The following FBH1 variants were observed in gnomAD, a reference collection of about 807,000 sequenced individuals.
FBH1 encodes the protein F-box DNA helicase 1, also known as DNA 3'-5' helicase 1.
A neutral mutation model predicts 115.5 loss-of-function variants in FBH1; 43 were observed. The ratio of observed to expected loss-of-function variants is 0.37; its 90% confidence interval spans 0.29 to 0.48. FBH1 has a LOEUF of 0.48. FBH1 is among the 20% of genes least tolerant of loss of function. The probability of loss-of-function intolerance (pLI) is 0.99; values close to 1 mark genes in which losing one functional copy is unlikely to be tolerated. For synonymous variants in FBH1, 524 were observed against 507.8 expected (o/e 1.03, Z -0.43); for missense variants, 1,001 against 1,337.3 (o/e 0.75, Z 3.92).
At chr10:5,930,341 G>A (rs973764621) in intron 19 of FBH1, among the ~76,000 whole-genome samples, 1 of 152,202 alleles carries the variant, frequency 6.6e-6, no homozygotes, top group Non-Finnish European at 1.5e-5. Flanking sequence ...ATAGAGAGCT[G>A]TACGGGACTC....
rs751116417 is a variant in FBH1, at chr10:5,916,465, C to CT, written c.1788+10dup. The CT allele has an allele frequency of 7.0e-6, 11 of 1,569,620 alleles. No homozygotes were observed. Among genetic ancestry groups the CT allele is most frequent in the Non-Finnish European group, 9.5e-6 (11 of 1,154,794 alleles). Reference sequence around the variant, plus strand: ...AGCAGAGTGAAAAACTGGTGAGTGTCTAAGTGTCTGAAGTGTTAGGGATCT... The same window carrying CT: ...AGCAGAGTGAAAAACTGGTGAGTGTCTTAAGTGTCTGAAGTGTTAGGGATCT... On this transcript the variant is annotated intron_variant, in intron 10 of 20. Coordinates refer to ENST00000362091, the MANE Select transcript of FBH1 (RefSeq NM_178150.3).
At position 5,917,691 on chromosome 10, in the gene FBH1, A is replaced by G. The variant is rs1832056674; in HGVS notation, c.1963+15A>G. 6.2e-7 allele frequency: 1 copy of G among 1,603,392 alleles called. No homozygotes were observed. Among genetic ancestry groups the G allele is most frequent in the Non-Finnish European group, 8.5e-7 (1 of 1,170,958 alleles). ...CTGCACACCAGGTGATACACTGTTC[A>G]GGACATCAGTAGTGTCAAATACGTA... On this transcript the variant is annotated intron_variant, in intron 12 of 20. Transcript: ENST00000362091. This position sits in a 1 kb window ranked among gnomAD's most constrained non-coding sequence, Gnocchi z 5.6.
rs1320715931 is a variant in FBH1, at chr10:5,918,813, C to T, written c.2100+335C>T. Among the ~76,000 whole-genome samples the T allele has an allele frequency of 1.3e-5, 2 of 152,230 alleles. No homozygotes were observed. Among genetic ancestry groups the T allele is most frequent in the Admixed American group, 1.3e-4 (2 of 15,280 alleles). On this transcript the variant is annotated intron_variant, in intron 13 of 20. Coordinates refer to ENST00000362091, the MANE Select transcript of FBH1 (RefSeq NM_178150.3). The surrounding 1 kb of genome is among the most constrained non-coding windows in gnomAD (Gnocchi z 4.0). ...CTTTTTCAAAGACAAGTGAAACAAG[C>T]TGCGACTTCAGGGAAAATAACTGAC...
At position 5,932,353 on chromosome 10, in the gene FBH1, G is replaced by A. The variant is rs1223844910; in HGVS notation, c.2830-4103G>A. Among the ~76,000 whole-genome samples the A allele has an allele frequency of 2.0e-5, 3 of 152,134 alleles. No homozygotes were observed. Among genetic ancestry groups the A allele is most frequent in the East Asian group, 1.9e-4 (1 of 5,196 alleles). On this transcript the variant is annotated intron_variant, in intron 19 of 20. Transcript: ENST00000362091. The surrounding 1 kb of genome is among the most constrained non-coding windows in gnomAD (Gnocchi z 5.9). The stretch of plus-strand genomic sequence containing the variant: ...GGTAGCATTTCAGATACACTGTTGT[G>A]TACTTTGCTTTGTCACTTAGAAGCC...
rs1843271471 is a variant in FBH1, at chr10:5,900,374, G to C, written c.2-2646G>C. 6.6e-6 allele frequency among the ~76,000 whole-genome samples: 1 copy of C among 152,230 alleles called. No homozygotes were observed. The highest frequency in any genetic ancestry group is 1.9e-4 in the East Asian group (1 of 5,202). ...TGGCCGTAGACCTATCAGACTTAGA[G>C]ACCTGAGGTGCCCTGAAGCCATAGA... On this transcript the variant is annotated intron_variant, in intron 1 of 20. Coordinates refer to ENST00000362091, the MANE Select transcript of FBH1 (RefSeq NM_178150.3). This position sits in a 1 kb window ranked among gnomAD's most constrained non-coding sequence, Gnocchi z 4.2.
At position 5,910,532 on chromosome 10, in the gene FBH1, T is replaced by G. The variant is rs1429506988; in HGVS notation, c.1021-406T>G. Among the ~76,000 whole-genome samples, 1 of 152,194 alleles carries G rather than the reference T, an allele frequency of 6.6e-6. No individual in the cohort carries two copies. On this transcript the variant is annotated intron_variant, in intron 5 of 20. Coordinates refer to ENST00000362091, the MANE Select transcript of FBH1 (RefSeq NM_178150.3). This position sits in a 1 kb window ranked among gnomAD's most constrained non-coding sequence, Gnocchi z 4.8. ...CGGCCCTCTCCTGTGTCTGCGTCTC[T>G]CATGCCTCTTGGGTGGGCGCCCCTT...
In FBH1 at chr10:5,897,690, C is replaced by T. The variant is rs1843092651; in HGVS notation, c.2-5330C>T. ...AGATCACCAGTCTAAGCGCCCCTCC[C>T]CCGGTACCGAACCTCAGTTCCTCCC... On this transcript the variant is annotated intron_variant, in intron 1 of 20. Coordinates refer to ENST00000362091, the MANE Select transcript of FBH1 (RefSeq NM_178150.3). This position sits in a 1 kb window ranked among gnomAD's most constrained non-coding sequence, Gnocchi z 4.7. 6.6e-6 allele frequency among the ~76,000 whole-genome samples: 1 copy of T among 152,144 alleles called. No homozygotes were observed. Among genetic ancestry groups the T allele is most frequent in the Non-Finnish European group, 1.5e-5 (1 of 68,036 alleles).
At position 5,935,831 on chromosome 10, in the gene FBH1, GCCCTGTC is replaced by G. The variant is rs1169727975; in HGVS notation, c.2830-623_2830-617del. ...ACAGGGCAGCAGCGAAGCTGACAGT[GCCCTGTC>G]CTTGTGGTGTTTCCAGCCTGGGAGG... On this transcript the variant is annotated intron_variant, in intron 19 of 20. Transcript: ENST00000362091. This position sits in a 1 kb window ranked among gnomAD's most constrained non-coding sequence, Gnocchi z 5.2. The G allele has an allele frequency of 6.5e-6, 1 of 152,704 alleles. No individual in the cohort carries two copies. Among genetic ancestry groups the G allele is most frequent in the African/African-American group, 2.4e-5 (1 of 41,468 alleles). 9.5% of individuals were successfully genotyped at this position (152,704 alleles called of 1,614,324 possible).
rs2132130792 is a variant in FBH1 at position 5,933,265 on chromosome 10, G to A, written c.2830-3191G>A. 6.6e-6 allele frequency among the ~76,000 whole-genome samples: 1 copy of A among 152,300 alleles called. No individual in the cohort carries two copies. Among genetic ancestry groups the A allele is most frequent in the South Asian group, 2.1e-4 (1 of 4,832 alleles). ...TAGCTGGGTGTAGTGGCGTATGCCT[G>A]TAATCCCAGCTACTCAGGAGGCTGA... On this transcript the variant is annotated intron_variant, in intron 19 of 20. Coordinates refer to ENST00000362091, the MANE Select transcript of FBH1 (RefSeq NM_178150.3). The surrounding 1 kb of genome is among the most constrained non-coding windows in gnomAD (Gnocchi z 4.9).
chr10:5,890,571 A>G (rs918838604), intron 1 of FBH1, among the ~76,000 whole-genome samples: 3 of 150,092 alleles, frequency 2.0e-5, no homozygotes, highest in Admixed American at 2.0e-4. Flanking sequence ...CAGGGCGCTC[A>G]CTGAACTCGG....
At position 5,925,539 on chromosome 10, in the gene FBH1, G is replaced by T. The variant is rs749542465; in HGVS notation, c.2722+47G>T. The T allele has an allele frequency of 8.1e-6, 13 of 1,607,518 alleles. No individual in the cohort carries two copies. Among genetic ancestry groups the T allele is most frequent in the Non-Finnish European group, 1.1e-5 (13 of 1,177,236 alleles). Reference sequence around the variant, plus strand: ...TCAGGTGCTGCTGTATGTAGTGAGTGGTGACTGGAATGCTTCCTTTGCACG... The same window carrying T: ...TCAGGTGCTGCTGTATGTAGTGAGTTGTGACTGGAATGCTTCCTTTGCACG... On this transcript the variant is annotated intron_variant, in intron 18 of 20. Transcript: ENST00000362091. This position sits in a 1 kb window ranked among gnomAD's most constrained non-coding sequence, Gnocchi z 4.6.
chr10:5,910,448 C>T lies in FBH1; in HGVS notation c.1021-490C>T, dbSNP rs977060664. 2.0e-5 allele frequency among the ~76,000 whole-genome samples: 3 copies of T among 152,152 alleles called. No homozygotes were observed. Among genetic ancestry groups the T allele is most frequent in the East Asian group, 1.9e-4 (1 of 5,190 alleles). On this transcript the variant is annotated intron_variant, in intron 5 of 20. Coordinates refer to ENST00000362091, the MANE Select transcript of FBH1 (RefSeq NM_178150.3). The surrounding 1 kb of genome is among the most constrained non-coding windows in gnomAD (Gnocchi z 4.8). ...AACAGTTATTACTAATAATAAATAG[C>T]AAGTTAACACCGTCATGCTGGAGAA... is the stretch of plus-strand genomic sequence containing the variant.
intron 3 of FBH1, among the ~76,000 whole-genome samples, chr10:5,907,411 T>C (rs1211362204): frequency 4.6e-5 from 7 of 152,110 alleles, no homozygotes; most frequent in African/African-American, 1.7e-4. Context: ...TTTCTACTTT[T>C]CTTTGTGATT....
Position 5,931,706 on chromosome 10 carries a change from A to G in FBH1, c.2829+4165A>G, listed in dbSNP as rs181641486. Among the ~76,000 whole-genome samples the G allele has an allele frequency of 2.6e-5, 4 of 152,342 alleles. No homozygotes were observed. The highest frequency in any genetic ancestry group is 6.5e-5 in the Admixed American group (1 of 15,298). On this transcript the variant is annotated intron_variant, in intron 19 of 20. Transcript: ENST00000362091. This position sits in a 1 kb window ranked among gnomAD's most constrained non-coding sequence, Gnocchi z 4.3. The stretch of plus-strand genomic sequence containing the variant: ...TCATGTTCTGAAGTCACTTAAAGTA[A>G]GTCCTTTTTGCTTTTGTGGTTTTAT...
Position 5,923,120 on chromosome 10 carries a change from T to C in FBH1, c.2323-501T>C, listed in dbSNP as rs1832409057. On this transcript the variant is annotated intron_variant, in intron 15 of 20. Transcript: ENST00000362091. The surrounding 1 kb of genome is among the most constrained non-coding windows in gnomAD (Gnocchi z 5.7). Reference sequence around the variant, plus strand: ...CTGGTCTTGAACTCCTGGCCTCAAGTGATCCACCTGCCTCAGCCTCCCAAA... The same window carrying C: ...CTGGTCTTGAACTCCTGGCCTCAAGCGATCCACCTGCCTCAGCCTCCCAAA... Among the ~76,000 whole-genome samples, 1 of 152,168 alleles carries C rather than the reference T, an allele frequency of 6.6e-6. No individual in the cohort carries two copies. Among genetic ancestry groups the C allele is most frequent in the Non-Finnish European group, 1.5e-5 (1 of 68,028 alleles).
intron 1 of FBH1, among the ~76,000 whole-genome samples, chr10:5,892,127 G>C (rs1454751570): frequency 6.6e-6 from 1 of 152,216 alleles, no homozygotes; most frequent in East Asian, 1.9e-4. Flanking sequence ...CTAATGGATG[G>C]AGCTGTTTCC....
Position 5,909,239 on chromosome 10 carries a change from C to T in FBH1, c.965C>T (p.Pro322Leu), listed in dbSNP as rs1831408914. ...LWSLRDHPLL[P>L]EAEACVRQHL... ...AGTCTGAGGGACCACCCCCTCCTCC[C>T]CGAGGCTGAGGCGTGTGTGCGGCAA... The change falls in exon 5 of 21, where the codon CCC becomes CTC. Residue 322 changes from proline (P) to leucine (L), a missense_variant. Pro to Leu is a moderately conservative substitution (Grantham distance 98, BLOSUM62 -3). This residue lies in a region of FBH1 where 420 missense variants were observed against 430.4 expected (regional missense o/e 0.98). Transcript: ENST00000362091. This position sits in a 1 kb window ranked among gnomAD's most constrained non-coding sequence, Gnocchi z 4.4. 1.9e-6 allele frequency: 3 copies of T among 1,613,284 alleles called. No individual in the cohort carries two copies. The highest frequency in any genetic ancestry group is 4.5e-5 in the East Asian group (2 of 44,874).
chr10:5,889,674 G>A (rs529819712), upstream of FBH1: 20 of 178,316 alleles, frequency 1.1e-4, no homozygotes, highest in Admixed American at 8.7e-4. Flanking sequence ...GGGGCCTGGG[G>A]ATCCGAGAGC....
chr10:5,893,346 T>C (rs1265172206), intron 1 of FBH1, among the ~76,000 whole-genome samples: 1 of 152,160 alleles, frequency 6.6e-6, no homozygotes, highest in Admixed American at 6.5e-5. Context: ...AATTGGATGA[T>C]ACCTTGAAGC....
Sources: gnomAD v4.1 joint callset for allele counts (sites outside exome capture counted in the v4.1 genomes callset) on GRCh38, gnomAD v4.1.1 for gene constraint, gnomAD v4.1.1 regional missense constraint, Gnocchi (gnomAD v3.1) non-coding constraint, MANE v1.5 for transcripts, NCBI Gene and HGNC (gene_info 2026-07-23, HGNC 2026-07-21) for gene names.